The following PCDHGA2 variants were observed in gnomAD, a reference collection of about 807,000 sequenced individuals.
PCDHGA2 encodes the protein protocadherin gamma subfamily A, 2, also known as protocadherin gamma-A2.
A neutral mutation model predicts 59.2 loss-of-function variants in PCDHGA2; 40 were observed. That is an observed-to-expected ratio of 0.68 (90% CI 0.52 to 0.88). The LOEUF is 0.88. PCDHGA2 is among the 40% of genes least tolerant of loss of function. The pLI is 0.00. For missense variants in PCDHGA2, 1,226 were observed against 1,204.0 expected, an observed-to-expected ratio of 1.02 and a Z score of -0.27; for synonymous variants, 560 against 526.0, an observed-to-expected ratio of 1.06 and a Z score of -0.89.
intron 1 of PCDHGA2, chr5:141,427,552 C>T (rs1233231671): frequency 1.5e-6 from 1 of 645,244 alleles, no homozygotes; most frequent in South Asian, 1.5e-5. Context: ...ATCACTGCCA[C>T]TGACAAGGGC....
chr5:141,371,138 G>T (rs761615775), intron 1 of PCDHGA2: 2 of 1,613,988 alleles, frequency 1.2e-6, no homozygotes, highest in South Asian at 1.1e-5. Flanking sequence ...ACATGTACAG[G>T]GTCAATGTTG....
At chr5:141,400,003 C>G (rs2093938557) in intron 1 of PCDHGA2, 1 of 1,612,278 alleles carries the variant, frequency 6.2e-7, no homozygotes, top group Non-Finnish European at 8.5e-7. Context: ...GCGCACAGCG[C>G]GTGCCTTGGG....
intron 2 of PCDHGA2, among the ~76,000 whole-genome samples, chr5:141,503,886 T>G (rs150106838): frequency 8.2e-4 from 125 of 152,290 alleles, no homozygotes; most frequent in African/African-American, 2.9e-3. Flanking sequence ...TCACCCACCA[T>G]GACAAAATAT....
At chr5:141,496,479 CAACCAACCA>C (rs1199646129) in intron 2 of PCDHGA2, among the ~76,000 whole-genome samples, 1 of 152,180 alleles carries the variant, frequency 6.6e-6, no homozygotes, top group Non-Finnish European at 1.5e-5. Context: ...CCCCATCCTG[CAACCAACCA>C]AACCCTTGTT....
In PCDHGA2 at chr5:141,364,672, GAAA is replaced by G. The variant is rs1433905391; in HGVS notation, c.2424+23279_2424+23281del. On this transcript the variant is annotated intron_variant, in intron 1 of 3. Coordinates refer to ENST00000394576, the MANE Select transcript of PCDHGA2 (RefSeq NM_018915.4). ...TTAACATCTTGGTTGAGAACAAAAT[GAAA>G]ATTTATGGAGTAGAAGTAGAAATAA... 6 of 1,613,908 alleles carry G rather than the reference GAAA, an allele frequency of 3.7e-6. No individual in the cohort carries two copies. In the African/African-American group the frequency reaches 6.7e-5, roughly 18 times the overall value.
chr5:141,484,930 G>A (rs992641330), intron 1 of PCDHGA2: 2 of 501,452 alleles, frequency 4.0e-6, no homozygotes, highest in South Asian at 2.6e-5. Flanking sequence ...CTGCTGTTGG[G>A]ACGTTCTCTG....
chr5:141,496,621 C>A (rs1297797187), intron 2 of PCDHGA2, among the ~76,000 whole-genome samples: 1 of 152,214 alleles, frequency 6.6e-6, no homozygotes. Context: ...AGCAGCAGAT[C>A]AAAAGGCTTG....
At chr5:141,352,385 C>T (rs774758135) in intron 1 of PCDHGA2, 2 of 1,614,052 alleles carry the variant, frequency 1.2e-6, no homozygotes, top group South Asian at 1.1e-5. Flanking sequence ...AGCGATCGCC[C>T]TGCGCCTGCG....
chr5:141,383,287 G>A (rs753501762), intron 1 of PCDHGA2: 2 of 1,613,798 alleles, frequency 1.2e-6, no homozygotes, highest in South Asian at 2.2e-5. Context: ...TAATGACAAC[G>A]TTCCAAGATT....
chr5:141,428,523 T>G, intron 1 of PCDHGA2: 1 of 278,554 alleles, frequency 3.6e-6, no homozygotes, highest in Non-Finnish European at 7.1e-6. Context: ...AAAGAAGATT[T>G]AATTTTCTCA....
At chr5:141,399,382 A>G in intron 1 of PCDHGA2, 1 of 1,614,000 alleles carries the variant, frequency 6.2e-7, no homozygotes, top group Non-Finnish European at 8.5e-7. Context: ...TGTCACCATC[A>G]CAGCCACAGA....
At chr5:141,375,581 C>A in intron 1 of PCDHGA2, 2 of 1,614,174 alleles carry the variant, frequency 1.2e-6, no homozygotes, top group Non-Finnish European at 8.5e-7. Context: ...CCAGGGGGCG[C>A]CCCTGTCCTC....
intron 3 of PCDHGA2, among the ~76,000 whole-genome samples, chr5:141,509,620 C>G (rs1321910971): frequency 6.6e-6 from 1 of 152,188 alleles, no homozygotes; most frequent in African/African-American, 2.4e-5. Context: ...TAAACAAGTT[C>G]CTGGGTGATG....
In PCDHGA2 at chr5:141,490,274, A is replaced by G. The variant is rs1285515971; in HGVS notation, c.2425-4533A>G. The G allele has an allele frequency of 6.2e-7, 1 of 1,614,228 alleles. No individual in the cohort carries two copies. Among genetic ancestry groups the G allele is most frequent in the Non-Finnish European group, 8.5e-7 (1 of 1,180,038 alleles). On this transcript the variant is annotated intron_variant, in intron 1 of 3. Transcript: ENST00000394576. This position sits in a 1 kb window ranked among gnomAD's most constrained non-coding sequence, Gnocchi z 5.4. ...CAAGTGGATGTGGGGGATGTCAATGACAATGCCCCAGAGGTGCTATTGGCC... is the reference window on the plus strand; with the variant it reads ...CAAGTGGATGTGGGGGATGTCAATGGCAATGCCCCAGAGGTGCTATTGGCC...
intron 1 of PCDHGA2, chr5:141,430,780 C>T: frequency 6.6e-7 from 1 of 1,511,476 alleles, no homozygotes; most frequent in Non-Finnish European, 8.8e-7. Flanking sequence ...CGCGACTGCA[C>T]CGGGACTACA....
At chr5:141,398,550 A>G (rs1390355431) in intron 1 of PCDHGA2, 2 of 1,613,816 alleles carry the variant, frequency 1.2e-6, no homozygotes, top group Non-Finnish European at 1.7e-6. Context: ...TTGAGCTGCA[A>G]ATAAGTGAGT....
In PCDHGA2 at chr5:141,432,143, C is replaced by G; in HGVS notation, c.2425-62664C>G. 2 of 1,614,084 alleles carry G rather than the reference C, an allele frequency of 1.2e-6. No homozygotes were observed. Among genetic ancestry groups the G allele is most frequent in the Non-Finnish European group, 1.7e-6 (2 of 1,180,006 alleles). Reference sequence around the variant, plus strand: ...TCAGGCCTCCTATTCCGCTTATATCCCAGAGAACAATCCCAGAGGAGTTTC... The same window carrying G: ...TCAGGCCTCCTATTCCGCTTATATCGCAGAGAACAATCCCAGAGGAGTTTC... On this transcript the variant is annotated intron_variant, in intron 1 of 3. Coordinates refer to ENST00000394576, the MANE Select transcript of PCDHGA2 (RefSeq NM_018915.4). This position sits in a 1 kb window ranked among gnomAD's most constrained non-coding sequence, Gnocchi z 6.0.
At chr5:141,423,750 T>TGGGG (rs144521096) in intron 1 of PCDHGA2, 28 of 288,222 alleles carry the variant, frequency 9.7e-5, no homozygotes, top group Non-Finnish European at 1.2e-4. Flanking sequence ...GAAAACTGTT[T>TGGGG]GGGGGGGGGG....
At chr5:141,364,796 T>C in intron 1 of PCDHGA2, 2 of 1,614,046 alleles carry the variant, frequency 1.2e-6, no homozygotes, top group South Asian at 2.2e-5. Context: ...AGTGCTTCCC[T>C]TCGCGCGGGA....
Sources: gnomAD v4.1 joint callset for allele counts (sites outside exome capture counted in the v4.1 genomes callset) on GRCh38, gnomAD v4.1.1 for gene constraint, Gnocchi (gnomAD v3.1) non-coding constraint, MANE v1.5 for transcripts, NCBI Gene and HGNC (gene_info 2026-07-23, HGNC 2026-07-21) for gene names.